TYR: variants seen among roughly 807,000 people sequenced by gnomAD.
The protein encoded by TYR is tyrosinase, also known as LB24-AB.
Under a neutral mutation model 51.5 loss-of-function variants are expected in TYR, and 58 were observed. That is an observed-to-expected ratio of 1.13 (90% CI 0.91 to 1.40). The LOEUF (loss-of-function observed/expected upper bound fraction) is 1.40, where lower values mean the gene tolerates loss of function less well. Ranked by LOEUF, TYR falls within the 40% of genes most tolerant of loss-of-function variation. TYR has a pLI of 0.00. For missense variants in TYR, 732 were observed against 647.4 expected (o/e 1.13, Z -1.42); for synonymous variants, 263 against 235.2 (o/e 1.12, Z -1.08).
At chr11:89,180,407 C>T (rs982703749) in intron 1 of TYR, among the ~76,000 whole-genome samples, 6 of 152,142 alleles carry the variant, frequency 3.9e-5, no homozygotes, top group African/African-American at 1.4e-4. Context: ...GATAGATACA[C>T]ATTAATTTTT....
At chr11:89,283,176 G>C (rs1169783073) in intron 3 of TYR, among the ~76,000 whole-genome samples, 1 of 151,688 alleles carries the variant, frequency 6.6e-6, no homozygotes, top group South Asian at 2.1e-4. Flanking sequence ...GGTATGCATG[G>C]ACCAGATTTT....
At chr11:89,281,012 T>C (rs1416557000) in intron 3 of TYR, among the ~76,000 whole-genome samples, 8 of 151,730 alleles carry the variant, frequency 5.3e-5, no homozygotes, top group Non-Finnish European at 1.5e-5. Context: ...TACTGGAGAT[T>C]TGTTGGATGC....
At chr11:89,264,271 T>C (rs1464641880) in intron 3 of TYR, among the ~76,000 whole-genome samples, 3 of 152,030 alleles carry the variant, frequency 2.0e-5, no homozygotes, top group Non-Finnish European at 4.4e-5. Context: ...GCTCTAATTG[T>C]GATTGGGGTA....
intron 2 of TYR, among the ~76,000 whole-genome samples, chr11:89,214,223 A>T (rs1445725488): frequency 3.3e-5 from 5 of 152,358 alleles, no homozygotes; most frequent in Admixed American, 2.0e-4. Context: ...TGGACAAAGG[A>T]TATGAACAGA....
chr11:89,240,656 G>A (rs913572704), intron 3 of TYR, among the ~76,000 whole-genome samples: 5 of 151,960 alleles, frequency 3.3e-5, no homozygotes, highest in African/African-American at 1.2e-4. Context: ...TTCTTATACA[G>A]TAGTACTATC....
chr11:89,255,204 A>G (rs1354424619), intron 3 of TYR, among the ~76,000 whole-genome samples: 1 of 151,580 alleles, frequency 6.6e-6, no homozygotes, highest in Non-Finnish European at 1.5e-5. Flanking sequence ...ATTTTCTTAA[A>G]TTTATTAAGA....
intron 3 of TYR, among the ~76,000 whole-genome samples, chr11:89,249,352 C>A (rs1944304848): frequency 6.6e-6 from 1 of 151,412 alleles, no homozygotes; most frequent in South Asian, 2.1e-4. Flanking sequence ...GTCTGGCATA[C>A]CCCATCATTA....
chr11:89,275,887 A>G (rs1424778411), intron 3 of TYR, among the ~76,000 whole-genome samples: 4 of 151,936 alleles, frequency 2.6e-5, no homozygotes, highest in African/African-American at 9.7e-5. Flanking sequence ...TTTAGGTTAT[A>G]GTTCACAATG....
chr11:89,194,455 T>C (rs1943489525), intron 2 of TYR, among the ~76,000 whole-genome samples: 1 of 152,152 alleles, frequency 6.6e-6, no homozygotes, highest in Non-Finnish European at 1.5e-5. Flanking sequence ...TGTATAATTA[T>C]TTCTTCCCCT....
chr11:89,277,684 A>G (rs1422455729), intron 3 of TYR, among the ~76,000 whole-genome samples: 1 of 151,722 alleles, frequency 6.6e-6, no homozygotes, highest in Non-Finnish European at 1.5e-5. Context: ...TGCATCTGGT[A>G]ATACAAACAC....
intron 3 of TYR, among the ~76,000 whole-genome samples, chr11:89,236,098 TA>T (rs1944108787): frequency 6.6e-6 from 1 of 152,110 alleles, no homozygotes; most frequent in Admixed American, 6.6e-5. Flanking sequence ...GCTTTCGGGC[TA>T]CAATGTCAGA....
chr11:89,257,347 G>A (rs910624716), intron 3 of TYR, among the ~76,000 whole-genome samples: 5 of 151,848 alleles, frequency 3.3e-5, no homozygotes, highest in Middle Eastern at 3.4e-3. Context: ...CAAACTTAAG[G>A]TATTTTTTTC....
At chr11:89,202,722 G>A (rs1356222960) in intron 2 of TYR, among the ~76,000 whole-genome samples, 1 of 151,116 alleles carries the variant, frequency 6.6e-6, no homozygotes, top group Non-Finnish European at 1.5e-5. Context: ...AGGCATACAG[G>A]GCAGCTCTGC....
Position 89,285,542 on chromosome 11 carries a change from T to A in TYR, c.1366+588T>A, listed in dbSNP as rs117143923. Among the ~76,000 whole-genome samples the A allele has an allele frequency of 8.6e-3, 1,300 of 151,924 alleles. 10 individuals are homozygous for A. The highest frequency in any genetic ancestry group is 0.027 in the Middle Eastern group (8 of 294). On this transcript the variant is annotated intron_variant, in intron 4 of 4. Coordinates refer to ENST00000263321, the MANE Select transcript of TYR (RefSeq NM_000372.5). ...GTAATATAAAACCCCAGGATTAGAA[T>A]TAGATTTGAGCTCTAAATAATCTTC...
chr11:89,223,574 C>T (rs1039539739), intron 2 of TYR, among the ~76,000 whole-genome samples: 1 of 152,102 alleles, frequency 6.6e-6, no homozygotes, highest in Non-Finnish European at 1.5e-5. Flanking sequence ...GAAATTGTCT[C>T]TCTTATTCCC....
At chr11:89,259,191 T>C (rs1219689806) in intron 3 of TYR, among the ~76,000 whole-genome samples, 1 of 152,048 alleles carries the variant, frequency 6.6e-6, no homozygotes, top group African/African-American at 2.4e-5. Flanking sequence ...GCGCTAAAAA[T>C]GAATTCTAAG....
chr11:89,252,980 A>T (rs1201654957), intron 3 of TYR, among the ~76,000 whole-genome samples: 1 of 151,826 alleles, frequency 6.6e-6, no homozygotes, highest in Non-Finnish European at 1.5e-5. Context: ...AAATTGAATC[A>T]CAATCTGATC....
chr11:89,178,772 G>T lies in TYR; in HGVS notation c.819G>T (p.Gln273His), dbSNP rs748669377. The part of the protein sequence containing the change: ...LSPASFFSSW[Q>H]IVCSRLEEYN... ...CAGCATCATTCTTCTCCTCTTGGCA[G>T]GTAAGATATGCTAGATATACGATGT... The change falls in exon 1 of 5, where the codon CAG becomes CAT. Residue 273 changes from glutamine (Q) to histidine (H), a missense_variant and splice_region_variant. Gln to His is a conservative substitution (Grantham distance 24). Coordinates refer to ENST00000263321, the MANE Select transcript of TYR (RefSeq NM_000372.5). 2 of 1,613,802 alleles carry T rather than the reference G, an allele frequency of 1.2e-6. No individual in the cohort carries two copies. The highest frequency in any genetic ancestry group is 4.5e-5 in the East Asian group (2 of 44,874).
At chr11:89,210,081 C>T (rs1268422384) in intron 2 of TYR, among the ~76,000 whole-genome samples, 1 of 152,170 alleles carries the variant, frequency 6.6e-6, no homozygotes, top group Non-Finnish European at 1.5e-5. Flanking sequence ...AACACAGCTC[C>T]TCATCAGCAA....
Sources: allele counts gnomAD v4.1 joint callset (sites outside exome capture counted in the v4.1 genomes callset), GRCh38; gene constraint gnomAD v4.1.1; transcripts MANE v1.5; gene names NCBI Gene and HGNC (gene_info 2026-07-23, HGNC 2026-07-21).